TPM4: variants seen among roughly 807,000 people sequenced by gnomAD.
TPM4 encodes the protein tropomyosin alpha-4 chain.
A neutral mutation model predicts 35.8 loss-of-function variants in TPM4; 17 were observed. The observed-to-expected ratio is 0.47, with a 90% CI of 0.32 to 0.71. TPM4 has a LOEUF of 0.71. Ranked by LOEUF, TPM4 falls within the 30% of genes least tolerant of loss-of-function variation. The pLI is 0.03. For missense variants in TPM4, 240 were observed against 320.9 expected, an observed-to-expected ratio of 0.75 and a Z score of 1.93; for synonymous variants, 120 against 122.9, an observed-to-expected ratio of 0.98 and a Z score of 0.15.
intron 5 of TPM4, among the ~76,000 whole-genome samples, chr19:16,089,668 C>CTTTTTTT (rs35056151): frequency 3.9e-5 from 5 of 129,500 alleles, no homozygotes; most frequent in African/African-American, 1.5e-4. Flanking sequence ...CCACCCCCCA[C>CTTTTTTT]TTTTTTTTTT....
chr19:16,080,084 TCCTCTC>T (rs1434438569), intron 1 of TPM4: 1 of 192,250 alleles, frequency 5.2e-6, no homozygotes, highest in African/African-American at 2.3e-5. Flanking sequence ...GCTTCCCTTT[TCCTCTC>T]GGTTGAGGCC....
At chr19:16,098,823 ATAAT>A (rs2090731766) in intron 7 of TPM4, among the ~76,000 whole-genome samples, 1 of 152,086 alleles carries the variant, frequency 6.6e-6, no homozygotes, top group Non-Finnish European at 1.5e-5. Flanking sequence ...TTTTAATAAA[ATAAT>A]AAATAAAGAG....
At chr19:16,068,903 G>A (rs1482926267) in intron 2 of TPM4, among the ~76,000 whole-genome samples, 1 of 152,218 alleles carries the variant, frequency 6.6e-6, no homozygotes, top group Non-Finnish European at 1.5e-5. Flanking sequence ...GAGAATGAGT[G>A]TGTACTAGGA....
chr19:16,072,347 C>T (rs764798484), upstream of TPM4, among the ~76,000 whole-genome samples: 4 of 152,266 alleles, frequency 2.6e-5, no homozygotes, highest in Non-Finnish European at 4.4e-5. Flanking sequence ...CAGCTGTAGG[C>T]GTGGCGAAAG....
intron 7 of TPM4, chr19:16,095,926 C>CT (rs927664464): frequency 0.018 from 2,351 of 129,918 alleles, 33 homozygotes; most frequent in African/African-American, 0.031. Context: ...AATTTTTGTA[C>CT]TTTTTTTTTT....
intron 2 of TPM4, among the ~76,000 whole-genome samples, chr19:16,085,644 C>T (rs537241639): frequency 6.6e-6 from 1 of 152,176 alleles, no homozygotes; most frequent in Non-Finnish European, 1.5e-5. Flanking sequence ...CTACCACTTA[C>T]CAGCTCTGTA....
chr19:16,090,949 A>G (rs574807298), intron 5 of TPM4, among the ~76,000 whole-genome samples: 5 of 150,332 alleles, frequency 3.3e-5, no homozygotes, highest in Admixed American at 1.3e-4. Context: ...CCTGGCATAT[A>G]TCTGATACTA....
chr19:16,079,792 C>CG (rs1254180801), intron 1 of TPM4: 2 of 177,406 alleles, frequency 1.1e-5, no homozygotes, highest in Admixed American at 1.3e-4. Context: ...CTTCACCTCC[C>CG]GGGTTCAAGC....
intron 1 of TPM4, chr19:16,078,250 G>A (rs2090437177): frequency 7.5e-6 from 3 of 397,590 alleles, no homozygotes; most frequent in Non-Finnish European, 1.3e-5. Flanking sequence ...AAGTTTGCTG[G>A]GACCAGAGAC....
intron 2 of TPM4, among the ~76,000 whole-genome samples, chr19:16,069,841 T>C (rs1159826441): frequency 6.6e-6 from 1 of 152,002 alleles, no homozygotes; most frequent in African/African-American, 2.4e-5. Flanking sequence ...TCAGTGACTG[T>C]TTCTGCTGGC....
chr19:16,097,933 A>C lies in TPM4; in HGVS notation c.665-3331A>C, dbSNP rs1467296095. ...CTCTCCCTGCTCCTAACTGCCGTCC[A>C]TCCTGAACTTCTGCAAAAACCATTC... On this transcript the variant is annotated intron_variant, in intron 7 of 7. Coordinates refer to ENST00000643579, the MANE Select transcript of TPM4 (RefSeq NM_003290.3). 6.6e-5 allele frequency among the ~76,000 whole-genome samples: 10 copies of C among 152,140 alleles called. No individual in the cohort carries two copies. The South Asian group carries it at 1.0e-3, about 16-fold the overall frequency.
At chr19:16,088,963 G>A in intron 4 of TPM4, 82 bp from the exon 5 acceptor site, 2 of 1,600,698 alleles carry the variant, frequency 1.2e-6, no homozygotes, top group Non-Finnish European at 1.7e-6. Flanking sequence ...TTTCTCCTTT[G>A]GAAAATTTAT....
chr19:16,078,053 G>A lies in TPM4; in HGVS notation c.132+1356G>A, dbSNP rs578030232. The A allele has an allele frequency of 1.7e-3, 677 of 397,368 alleles. 2 individuals are homozygous for A. The highest frequency in any genetic ancestry group is 1.4e-3 in the Non-Finnish European group (324 of 225,574). 24.6% of individuals were successfully genotyped at this position (397,368 alleles called of 1,614,324 possible). A position where few individuals can be genotyped will look rare whatever the true frequency, so the allele number is the denominator to read the frequency against. On this transcript the variant is annotated intron_variant, in intron 1 of 7. Transcript: ENST00000643579. ...CTCCCAAAGTTCTGGGATTACAAGC[G>A]TGAGCCACGGCGCCCAGCCTCAATT... is the stretch of plus-strand genomic sequence containing the variant.
Position 16,088,177 on chromosome 19 carries a change from G to C in TPM4, c.455+80G>C, listed in dbSNP as rs1277370397. On this transcript the variant is annotated intron_variant, in intron 4 of 7. Transcript: ENST00000643579. ...GAAGGAGCTGGCTGTGTTGGGAATT[G>C]GCTCTGACCGGGGTCTCTGCTCAAG... The C allele has an allele frequency of 5.2e-6, 8 of 1,538,426 alleles. No individual in the cohort carries two copies. In the African/African-American group the frequency reaches 5.5e-5, roughly 10 times the overall value.
Position 16,067,576 on chromosome 19 carries a change from C to A in TPM4, c.-49C>A. 1 of 1,555,978 alleles carries A rather than the reference C, an allele frequency of 6.4e-7. No homozygotes were observed. ...GCCACAGCCCCTGACTGCCGCAGCC[C>A]CCACAGAGCCCGCCGCGCACCCCAC... On this transcript the variant is annotated 5_prime_UTR_variant, in exon 2 of 3. Coordinates refer to the TPM4 transcript ENST00000589897. The surrounding 1 kb of genome is among the most constrained non-coding windows in gnomAD (Gnocchi z 4.1).
chr19:16,088,125 G>C (rs1389283995), intron 4 of TPM4, 28 bp downstream of exon 4: 1 of 1,599,562 alleles, frequency 6.3e-7, no homozygotes, highest in Non-Finnish European at 8.5e-7. Context: ...ACTGAGCGAG[G>C]CTGGCTCGAT....
intron 1 of TPM4, 32 bp downstream of exon 1, chr19:16,076,729 C>T: frequency 7.7e-7 from 1 of 1,299,554 alleles, no homozygotes; most frequent in Non-Finnish European, 9.8e-7. Flanking sequence ...CCCGCACCCG[C>T]AGCCTCCTCC....
At chr19:16,076,351 C>T (rs941453129), upstream of TPM4, 4 of 1,461,194 alleles carry the variant, frequency 2.7e-6, no homozygotes, top group Admixed American at 5.9e-5. Context: ...CCAGCGGTGC[C>T]GACGTCAGGC....
chr19:16,096,065 A>T (rs1002293633), intron 7 of TPM4, among the ~76,000 whole-genome samples: 2 of 151,908 alleles, frequency 1.3e-5, no homozygotes, highest in South Asian at 4.1e-4. Context: ...AGCTGAGATT[A>T]CAGGCATACA....
Sources: gnomAD v4.1 joint callset for allele counts (sites outside exome capture counted in the v4.1 genomes callset) on GRCh38, gnomAD v4.1.1 for gene constraint, Gnocchi (gnomAD v3.1) non-coding constraint, MANE v1.5 for transcripts, NCBI Gene and HGNC (gene_info 2026-07-23, HGNC 2026-07-21) for gene names.